The following DLG2 variants were observed in gnomAD, a reference collection of about 807,000 sequenced individuals.
DLG2 encodes disks large homolog 2.
DLG2 carries 45 observed loss-of-function variants against 132.5 expected under a neutral mutation model. The ratio of observed to expected loss-of-function variants is 0.34; its 90% confidence interval spans 0.27 to 0.44. The LOEUF is 0.44. Among genes scored for constraint, DLG2 ranks in the 20% least tolerant of loss-of-function variants. DLG2 has a pLI of 1.00. For synonymous variants in DLG2, 424 were observed against 419.6 expected, an observed-to-expected ratio of 1.01 and a Z score of -0.13; for missense variants, 1,045 against 1,196.9, an observed-to-expected ratio of 0.87 and a Z score of 1.87.
intron 4 of DLG2, among the ~76,000 whole-genome samples, chr11:85,234,918 T>C (rs1224245280): frequency 6.6e-6 from 1 of 152,008 alleles, no homozygotes; most frequent in East Asian, 1.9e-4. Flanking sequence ...CAAATTAACC[T>C]TTCCAATGTC....
chr11:85,348,541 T>C (rs980253149), intron 3 of DLG2, among the ~76,000 whole-genome samples: 2 of 152,120 alleles, frequency 1.3e-5, no homozygotes, highest in Non-Finnish European at 2.9e-5. Flanking sequence ...ATTCTGAATT[T>C]ATGATCAGAA....
At chr11:83,622,268 T>C (rs1024476730) in intron 19 of DLG2, among the ~76,000 whole-genome samples, 1 of 152,214 alleles carries the variant, frequency 6.6e-6, no homozygotes, top group Non-Finnish European at 1.5e-5. Context: ...ATTTTCATTT[T>C]GCACCGGGCC....
At chr11:84,273,535 G>C (rs577010307) in intron 7 of DLG2, among the ~76,000 whole-genome samples, 5 of 152,188 alleles carry the variant, frequency 3.3e-5, no homozygotes, top group East Asian at 1.9e-4. Flanking sequence ...TCTTCACACG[G>C]GTCTGGTGAA....
chr11:85,338,027 A>G (rs577249977), intron 3 of DLG2, among the ~76,000 whole-genome samples: 2 of 152,240 alleles, frequency 1.3e-5, no homozygotes, highest in Non-Finnish European at 2.9e-5. Flanking sequence ...TGCAGCTCAG[A>G]GTCACAAAGT....
At chr11:84,435,789 A>G (rs1259075545) in intron 7 of DLG2, among the ~76,000 whole-genome samples, 1 of 152,076 alleles carries the variant, frequency 6.6e-6, no homozygotes, top group Non-Finnish European at 1.5e-5. Flanking sequence ...GGTTCTATAC[A>G]CTGAATTTTA....
intron 19 of DLG2, among the ~76,000 whole-genome samples, chr11:83,609,093 A>G (rs1309701443): frequency 2.6e-5 from 4 of 152,180 alleles, no homozygotes; most frequent in Non-Finnish European, 5.9e-5. Flanking sequence ...ACATCAAATC[A>G]TAGGATGAAT....
intron 18 of DLG2, among the ~76,000 whole-genome samples, chr11:83,669,572 G>A (rs1205912455): frequency 2.0e-5 from 3 of 152,202 alleles, no homozygotes; most frequent in South Asian, 2.1e-4. Context: ...AATTAAAAAC[G>A]AAGCATAATT....
chr11:84,406,118 T>C (rs544231048), intron 7 of DLG2, among the ~76,000 whole-genome samples: 3 of 152,218 alleles, frequency 2.0e-5, no homozygotes, highest in Admixed American at 6.5e-5. Context: ...CCCCATTTAT[T>C]TTGTCCATTG....
chr11:85,233,330 TA>T (rs2075400616), intron 4 of DLG2, among the ~76,000 whole-genome samples: 1 of 151,954 alleles, frequency 6.6e-6, no homozygotes, highest in African/African-American at 2.4e-5. Context: ...TCAGAGTTTG[TA>T]AAACATCCTG....
Position 83,458,199 on chromosome 11 carries a change from T to TATCA in DLG2, c.*1615_*1618dup, listed in dbSNP as rs1008271479. ...ACAGAACCCAGAGTAGAGTGGTTAT[T>TATCA]ATCACTGAAAAGTCTCTCCCCAAAC... On this transcript the variant is annotated 3_prime_UTR_variant, in exon 28 of 28. Coordinates refer to ENST00000376104, the MANE Select transcript of DLG2 (RefSeq NM_001142699.3). The TATCA allele has an allele frequency of 1.3e-5, 2 of 152,588 alleles. No homozygotes were observed. Among genetic ancestry groups the TATCA allele is most frequent in the Non-Finnish European group, 2.9e-5 (2 of 68,042 alleles). The allele number at this position is 152,588 out of a possible 1,614,324, so 9.5% of individuals were successfully genotyped here.
chr11:84,706,716 A>AAAGGAAGG (rs1040927465), intron 6 of DLG2, among the ~76,000 whole-genome samples: 4 of 151,756 alleles, frequency 2.6e-5, no homozygotes, highest in African/African-American at 9.6e-5. Flanking sequence ...AGAAAGGAAG[A>AAAGGAAGG]AAGGAAGGAA....
At chr11:84,370,398 T>C (rs1326343891) in intron 7 of DLG2, among the ~76,000 whole-genome samples, 1 of 152,128 alleles carries the variant, frequency 6.6e-6, no homozygotes, top group Non-Finnish European at 1.5e-5. Context: ...CAATTTGAAA[T>C]AAAGGAAGTG....
intron 6 of DLG2, among the ~76,000 whole-genome samples, chr11:84,803,401 T>C (rs1218623630): frequency 6.6e-6 from 1 of 152,212 alleles, no homozygotes; most frequent in Non-Finnish European, 1.5e-5. Flanking sequence ...AATAGAGAGA[T>C]TAAACACTAG....
At chr11:83,851,026 A>T (rs972437781) in intron 16 of DLG2, among the ~76,000 whole-genome samples, 1 of 151,838 alleles carries the variant, frequency 6.6e-6, no homozygotes, top group African/African-American at 2.4e-5. Context: ...AAATACAAAA[A>T]ATTAGCCTGG....
Position 84,417,768 on chromosome 11 carries a change from T to C in DLG2, c.519+116802A>G, listed in dbSNP as rs552751392. Among the ~76,000 whole-genome samples, 48 of 152,294 alleles carry C rather than the reference T, an allele frequency of 3.2e-4. 1 individual carries two copies. The highest frequency in any genetic ancestry group is 7.2e-4 in the African/African-American group (30 of 41,570). ...AGAATTCATGAAGACGTGTTTTTTT[T>C]CCCCACCATTTTATGTATTATTTTC... On this transcript the variant is annotated intron_variant, in intron 7 of 27. Transcript: ENST00000376104.
intron 11 of DLG2, among the ~76,000 whole-genome samples, chr11:84,044,507 G>C (rs537849212): frequency 6.6e-6 from 1 of 151,796 alleles, no homozygotes; most frequent in Admixed American, 6.6e-5. Context: ...ATCACATTTT[G>C]TGCCTGAGCA....
chr11:83,659,840 T>C (rs1591914910), intron 18 of DLG2, among the ~76,000 whole-genome samples: 1 of 152,368 alleles, frequency 6.6e-6, no homozygotes, highest in East Asian at 1.9e-4. Flanking sequence ...TGTATTGTTA[T>C]GTAATTGTTT....
intron 9 of DLG2, among the ~76,000 whole-genome samples, chr11:84,128,660 C>A (rs71469625): frequency 0.035 from 5,278 of 152,080 alleles, 143 homozygotes; most frequent in Non-Finnish European, 0.055. Context: ...ATTCCCCCAA[C>A]CCCCCTTAGT....
intron 6 of DLG2, among the ~76,000 whole-genome samples, chr11:84,678,759 G>A (rs2099721359): frequency 6.6e-6 from 1 of 152,080 alleles, no homozygotes; most frequent in African/African-American, 2.4e-5. Flanking sequence ...GAAGAAGGTA[G>A]TATAGTGGAA....
Sources: gnomAD v4.1 joint callset for allele counts (sites outside exome capture counted in the v4.1 genomes callset) on GRCh38, gnomAD v4.1.1 for gene constraint, MANE v1.5 for transcripts, NCBI Gene and HGNC (gene_info 2026-07-23, HGNC 2026-07-21) for gene names.